YY1: variants seen among roughly 807,000 people sequenced by gnomAD.
YY1 encodes YY1 transcription factor, also known as transcriptional repressor protein YY1.
In YY1, 2 loss-of-function variants were observed where a neutral mutation model predicts 35.6. The observed-to-expected ratio is 0.06, with a 90% CI of 0.02 to 0.18. YY1 has a LOEUF of 0.18. YY1 is among the 10% of genes least tolerant of loss of function. The probability of loss-of-function intolerance (pLI) is 1.00; values close to 1 mark genes in which losing one functional copy is unlikely to be tolerated. For synonymous variants in YY1, 268 were observed against 238.9 expected, an observed-to-expected ratio of 1.12 and a Z score of -1.12; for missense variants, 322 against 573.4, an observed-to-expected ratio of 0.56 and a Z score of 4.48.
At chr14:100,244,624 C>G (rs1399973267) in intron 1 of YY1, among the ~76,000 whole-genome samples, 1 of 151,060 alleles carries the variant, frequency 6.6e-6, no homozygotes, top group Non-Finnish European at 1.5e-5. Context: ...ATTCTGTCAC[C>G]CAGGCTAGAG....
At chr14:100,245,899 G>A (rs116878963) in intron 1 of YY1, among the ~76,000 whole-genome samples, 8 of 152,246 alleles carry the variant, frequency 5.3e-5, no homozygotes, top group Non-Finnish European at 8.8e-5. Context: ...GAGCCACCGC[G>A]CCCAGCCAGG....
chr14:100,260,215 T>C (rs1304588888), intron 1 of YY1, among the ~76,000 whole-genome samples: 1 of 152,056 alleles, frequency 6.6e-6, no homozygotes, highest in Non-Finnish European at 1.5e-5. Flanking sequence ...TAGCTGGGCT[T>C]ACAGGCGCCC....
intron 1 of YY1, among the ~76,000 whole-genome samples, chr14:100,241,147 C>T (rs1192364253): frequency 6.6e-6 from 1 of 152,192 alleles, no homozygotes; most frequent in Admixed American, 6.5e-5. Context: ...TGCTACCTAG[C>T]TAAATTGCTG....
At position 100,276,406 on chromosome 14, in the gene YY1, A is replaced by G. The variant is rs992941893; in HGVS notation, c.904-84A>G. 1.1e-5 allele frequency: 17 copies of G among 1,600,558 alleles called. No individual in the cohort carries two copies. Among genetic ancestry groups the G allele is most frequent in the Non-Finnish European group, 1.5e-5 (17 of 1,169,300 alleles). On this transcript the variant is annotated intron_variant, in intron 3 of 4. Coordinates refer to ENST00000262238, the MANE Select transcript of YY1 (RefSeq NM_003403.5). The surrounding 1 kb of genome is among the most constrained non-coding windows in gnomAD (Gnocchi z 4.1). ...GGGTTGGGGAGGTGGTTTTGTTTTA[A>G]TATGTCAGTAAAGGCTGTTAAATGG...
At chr14:100,247,961 T>A (rs988281547) in intron 1 of YY1, among the ~76,000 whole-genome samples, 4 of 152,100 alleles carry the variant, frequency 2.6e-5, no homozygotes, top group Non-Finnish European at 5.9e-5. Context: ...TCTTTCTTTC[T>A]TTTTTACAGA....
rs115753113 is a variant in YY1 at position 100,255,625 on chromosome 14, A to T, written c.680-6679A>T. ...GACAGAGCGAGACTCCATCTCAGGA[A>T]AAATAAATAAATAAATAAGTGTGGA... On this transcript the variant is annotated intron_variant, in intron 1 of 4. Coordinates refer to ENST00000262238, the MANE Select transcript of YY1 (RefSeq NM_003403.5). 3.0e-3 allele frequency among the ~76,000 whole-genome samples: 450 copies of T among 152,334 alleles called. 4 individuals carry two copies. Among genetic ancestry groups the T allele is most frequent in the African/African-American group, 1.0e-2 (414 of 41,580 alleles).
At position 100,281,612 on chromosome 14, in the gene YY1, A is replaced by G. The variant is rs1368975431; in HGVS notation, c.*4012A>G. The G allele has an allele frequency of 6.6e-6, 1 of 152,206 alleles. No individual in the cohort carries two copies. Among genetic ancestry groups the G allele is most frequent in the African/African-American group, 2.4e-5 (1 of 41,434 alleles). The allele number at this position is 152,206 out of a possible 1,614,324, so 9.4% of individuals were successfully genotyped here. A position where few individuals can be genotyped will look rare whatever the true frequency, so the allele number is the denominator to read the frequency against. ...GCTGCACTTTCTTGGGGTTCTGGCC[A>G]TGCACTTCTTAGCCTTCTCTCTGAC... is the stretch of plus-strand genomic sequence containing the variant. On this transcript the variant is annotated 3_prime_UTR_variant, in exon 5 of 5. Coordinates refer to ENST00000262238, the MANE Select transcript of YY1 (RefSeq NM_003403.5).
chr14:100,240,103 TGGC>T (rs1401178748), intron 1 of YY1, among the ~76,000 whole-genome samples, 180 bp downstream of exon 1: 1 of 142,002 alleles, frequency 7.0e-6, no homozygotes, highest in Non-Finnish European at 1.5e-5. Flanking sequence ...GCCGCGAAGA[TGGC>T]GGCAGGCCGC....
At chr14:100,251,770 C>A (rs1030668560) in intron 1 of YY1, among the ~76,000 whole-genome samples, 5 of 152,128 alleles carry the variant, frequency 3.3e-5, no homozygotes, top group African/African-American at 1.2e-4. Context: ...TTCCTCCCCT[C>A]CCCTCCCTTT....
intron 2 of YY1, among the ~76,000 whole-genome samples, chr14:100,269,556 A>G (rs1891203513): frequency 6.6e-6 from 1 of 152,220 alleles, no homozygotes; most frequent in Non-Finnish European, 1.5e-5. Context: ...CAGTGGTAGT[A>G]TATGATTTTT....
intron 1 of YY1, among the ~76,000 whole-genome samples, chr14:100,260,537 ATC>A (rs1478560648): frequency 1.3e-5 from 2 of 149,108 alleles, no homozygotes; most frequent in African/African-American, 5.0e-5. Context: ...CAGTGGCACA[ATC>A]TCTGCTCACT....
In YY1 at chr14:100,276,857, G is replaced by A. The variant is rs990840855; in HGVS notation, c.1062+209G>A. On this transcript the variant is annotated intron_variant, in intron 4 of 4. Coordinates refer to ENST00000262238, the MANE Select transcript of YY1 (RefSeq NM_003403.5). This position sits in a 1 kb window ranked among gnomAD's most constrained non-coding sequence, Gnocchi z 4.1. Reference sequence around the variant, plus strand: ...GTCTATACTCTGTGGTACTGGGTACGCAATGTATTGGTGTTGATGGAGTAC... The same window carrying A: ...GTCTATACTCTGTGGTACTGGGTACACAATGTATTGGTGTTGATGGAGTAC... 9.4e-6 allele frequency: 6 copies of A among 635,408 alleles called. No homozygotes were observed. Among genetic ancestry groups the A allele is most frequent in the South Asian group, 1.9e-5 (1 of 53,186 alleles). The allele number at this position is 635,408 out of a possible 1,614,324, so 39.4% of individuals were successfully genotyped here. A position where few individuals can be genotyped will look rare whatever the true frequency, so the allele number is the denominator to read the frequency against.
chr14:100,249,758 T>G (rs201957777), intron 1 of YY1, among the ~76,000 whole-genome samples: 15 of 39,554 alleles, frequency 3.8e-4, no homozygotes, highest in African/African-American at 1.8e-3. Flanking sequence ...GTTTTTTTTT[T>G]TGTTTGTTTT....
intron 1 of YY1, among the ~76,000 whole-genome samples, chr14:100,262,036 G>T (rs1891092539): frequency 6.6e-6 from 1 of 152,130 alleles, no homozygotes; most frequent in African/African-American, 2.4e-5. Flanking sequence ...TGTAGTCCCA[G>T]CTACTCAGGA....
Position 100,280,301 on chromosome 14 carries a change from A to C in YY1, c.*2701A>C, listed in dbSNP as rs1891396604. On this transcript the variant is annotated 3_prime_UTR_variant, in exon 5 of 5. Transcript: ENST00000262238. ...TGAGGATTAATCTGATTTATAAGTA[A>C]TACTGATAGACATATTTTCGTACAT... 1 of 152,202 alleles carries C rather than the reference A, an allele frequency of 6.6e-6. No individual in the cohort carries two copies. Among genetic ancestry groups the C allele is most frequent in the Non-Finnish European group, 1.5e-5 (1 of 68,042 alleles). 9.4% of individuals were successfully genotyped at this position (152,202 alleles called of 1,614,324 possible).
intron 1 of YY1, among the ~76,000 whole-genome samples, chr14:100,261,152 T>C (rs1010736559): frequency 6.6e-6 from 1 of 152,026 alleles, no homozygotes; most frequent in Admixed American, 6.6e-5. Context: ...AATAGAGATG[T>C]CGTACATTTC....
chr14:100,263,158 G>A (rs1366822939), intron 2 of YY1, among the ~76,000 whole-genome samples: 1 of 152,206 alleles, frequency 6.6e-6, no homozygotes, highest in Non-Finnish European at 1.5e-5. Flanking sequence ...TGATCCGCCT[G>A]CCTTGGCCTC....
intron 1 of YY1, among the ~76,000 whole-genome samples, chr14:100,242,091 A>G (rs1463377991): frequency 6.6e-6 from 1 of 152,114 alleles, no homozygotes; most frequent in Non-Finnish European, 1.5e-5. Flanking sequence ...ATTTAGGTAA[A>G]GATACATTAA....
chr14:100,276,821 T>C lies in YY1; in HGVS notation c.1062+173T>C, dbSNP rs2139604598. On this transcript the variant is annotated intron_variant, in intron 4 of 4. Transcript: ENST00000262238. The surrounding 1 kb of genome is among the most constrained non-coding windows in gnomAD (Gnocchi z 4.1). ...TCGCTTAGAAGGGTTGCCGGGGCTCTGGACATCCTTGTCTATACTCTGTGG... is the reference window on the plus strand; with the variant it reads ...TCGCTTAGAAGGGTTGCCGGGGCTCCGGACATCCTTGTCTATACTCTGTGG... 2 of 829,940 alleles carry C rather than the reference T, an allele frequency of 2.4e-6. No homozygotes were observed. Among genetic ancestry groups the C allele is most frequent in the Non-Finnish European group, 1.9e-6 (1 of 520,562 alleles). 51.4% of individuals were successfully genotyped at this position (829,940 alleles called of 1,614,324 possible). A position where few individuals can be genotyped will look rare whatever the true frequency, so the allele number is the denominator to read the frequency against.
Sources: gnomAD v4.1 joint callset for allele counts (sites outside exome capture counted in the v4.1 genomes callset) on GRCh38, gnomAD v4.1.1 for gene constraint, Gnocchi (gnomAD v3.1) non-coding constraint, MANE v1.5 for transcripts, NCBI Gene and HGNC (gene_info 2026-07-23, HGNC 2026-07-21) for gene names.